The following KCNIP4 variants were observed in gnomAD, a reference collection of about 807,000 sequenced individuals.
KCNIP4 encodes potassium voltage-gated channel interacting protein 4.
In KCNIP4, 12 loss-of-function variants were observed where a neutral mutation model predicts 34.0. That is an observed-to-expected ratio of 0.35 (90% CI 0.23 to 0.57). The LOEUF is 0.57. KCNIP4 is among the 20% of genes least tolerant of loss of function. The pLI is 0.83. For synonymous variants in KCNIP4, 124 were observed against 102.2 expected (o/e 1.21, Z -1.29); for missense variants, 238 against 311.7 (o/e 0.76, Z 1.78).
chr4:21,744,989 T>C (rs565837642), intron 1 of KCNIP4, among the ~76,000 whole-genome samples: 1 of 152,218 alleles, frequency 6.6e-6, no homozygotes, highest in East Asian at 1.9e-4. Flanking sequence ...GTGAAAACAG[T>C]TTTATGTTTT....
At chr4:21,150,285 A>T in intron 1 of KCNIP4, among the ~76,000 whole-genome samples, 3 of 151,658 alleles carry the variant, frequency 2.0e-5, no homozygotes, top group African/African-American at 7.3e-5. Context: ...AGTGTTAATG[A>T]GGGTAATGCT....
intron 1 of KCNIP4, among the ~76,000 whole-genome samples, chr4:21,271,193 C>G (rs77235539): frequency 6.6e-6 from 1 of 152,032 alleles, no homozygotes; most frequent in Non-Finnish European, 1.5e-5. Context: ...TTTTAACACA[C>G]GAAATCTGAG....
intron 1 of KCNIP4, among the ~76,000 whole-genome samples, chr4:21,125,212 T>TTTTATTTTATTTTATTTTATTTTAA (rs1172436675): frequency 6.8e-6 from 1 of 147,240 alleles, no homozygotes; most frequent in African/African-American, 2.5e-5. Context: ...TTTTATTTTA[T>TTTTATTTTATTTTATTTTATTTTAA]TTTATTTTAT....
chr4:21,327,167 A>G (rs1352086838), intron 1 of KCNIP4, among the ~76,000 whole-genome samples: 1 of 151,986 alleles, frequency 6.6e-6, no homozygotes, highest in African/African-American at 2.4e-5. Flanking sequence ...ACTTCATATG[A>G]TATTTTCTCA....
At chr4:21,543,488 C>T (rs374453101) in intron 1 of KCNIP4, among the ~76,000 whole-genome samples, 59 of 152,084 alleles carry the variant, frequency 3.9e-4, no homozygotes, top group African/African-American at 1.4e-3. Flanking sequence ...ATTTGCTCTA[C>T]AATAGAGGTA....
chr4:21,104,161 C>A (rs1011643391), intron 1 of KCNIP4, among the ~76,000 whole-genome samples: 2 of 141,816 alleles, frequency 1.4e-5, no homozygotes, highest in African/African-American at 2.8e-5. Flanking sequence ...AATCGCCACA[C>A]TGTCTTCCAC....
In KCNIP4 at chr4:21,746,601, A is replaced by G. The variant is rs370605401; in HGVS notation, c.61+201970T>C. 9.9e-4 allele frequency among the ~76,000 whole-genome samples: 149 copies of G among 150,168 alleles called. 1 individual carries two copies. The highest frequency in any genetic ancestry group is 1.5e-3 in the Non-Finnish European group (102 of 67,260). Reference sequence around the variant, plus strand: ...TATAATCAAGAAAAAATAAAAAAAAAAGCACATTTAGATATGAGCATATTA... The same window carrying G: ...TATAATCAAGAAAAAATAAAAAAAAGAGCACATTTAGATATGAGCATATTA... On this transcript the variant is annotated intron_variant, in intron 1 of 8. Coordinates refer to ENST00000382152, the MANE Select transcript of KCNIP4 (RefSeq NM_025221.6).
chr4:20,787,707 A>C (rs1435948906), intron 3 of KCNIP4, among the ~76,000 whole-genome samples: 1 of 152,140 alleles, frequency 6.6e-6, no homozygotes, highest in Non-Finnish European at 1.5e-5. Context: ...TTGAACATTT[A>C]GGTCATTAGT....
intron 1 of KCNIP4, among the ~76,000 whole-genome samples, chr4:21,426,951 C>T (rs1725981742): frequency 2.0e-5 from 3 of 150,896 alleles, no homozygotes; most frequent in African/African-American, 7.3e-5. Context: ...CAGATCATTC[C>T]CATTCTCATT....
intron 1 of KCNIP4, among the ~76,000 whole-genome samples, chr4:21,731,339 T>A (rs191407451): frequency 6.6e-6 from 1 of 152,192 alleles, no homozygotes; most frequent in East Asian, 1.9e-4. Context: ...ATATAGCAGA[T>A]TTCTCTCACA....
At chr4:21,860,313 T>A (rs1302049202) in intron 1 of KCNIP4, among the ~76,000 whole-genome samples, 1 of 152,048 alleles carries the variant, frequency 6.6e-6, no homozygotes, top group African/African-American at 2.4e-5. Context: ...TTTGTATTTT[T>A]AGTAGAGACA....
At chr4:20,797,972 T>A (rs1713695582) in intron 3 of KCNIP4, among the ~76,000 whole-genome samples, 1 of 152,216 alleles carries the variant, frequency 6.6e-6, no homozygotes, top group African/African-American at 2.4e-5. Flanking sequence ...AAATCAGTGT[T>A]TTTAGCCTCT....
At chr4:21,255,324 C>T (rs1485388561) in intron 1 of KCNIP4, among the ~76,000 whole-genome samples, 5 of 152,146 alleles carry the variant, frequency 3.3e-5, no homozygotes, top group Admixed American at 2.6e-4. Flanking sequence ...GTTTAAAAGC[C>T]GTGTTGCTTC....
intron 1 of KCNIP4, among the ~76,000 whole-genome samples, chr4:21,357,032 C>A (rs1299612068): frequency 6.6e-6 from 1 of 152,134 alleles, no homozygotes; most frequent in Non-Finnish European, 1.5e-5. Context: ...AATCTATGAT[C>A]TTTGACAAAT....
intron 1 of KCNIP4, among the ~76,000 whole-genome samples, chr4:20,955,101 G>C (rs1039705648): frequency 6.6e-6 from 1 of 152,160 alleles, no homozygotes. Context: ...GAGGGTTCTC[G>C]TATTGCAGTG....
chr4:21,645,481 G>A (rs573944715), intron 1 of KCNIP4, among the ~76,000 whole-genome samples: 8 of 152,286 alleles, frequency 5.3e-5, no homozygotes, highest in African/African-American at 1.7e-4. Flanking sequence ...TAAGCAATGA[G>A]TATCTGAAAT....
intron 1 of KCNIP4, among the ~76,000 whole-genome samples, chr4:21,787,106 A>T (rs1372414317): frequency 6.6e-6 from 1 of 152,214 alleles, no homozygotes; most frequent in East Asian, 1.9e-4. Context: ...CATGAGTGGA[A>T]AATTCCACAC....
chr4:21,270,537 A>C (rs1351041911), intron 1 of KCNIP4, among the ~76,000 whole-genome samples: 1 of 152,236 alleles, frequency 6.6e-6, no homozygotes, highest in African/African-American at 2.4e-5. Flanking sequence ...TGTAGAAAAT[A>C]AGAGTTATTA....
At chr4:21,872,374 T>G (rs1725870619) in intron 1 of KCNIP4, among the ~76,000 whole-genome samples, 1 of 152,176 alleles carries the variant, frequency 6.6e-6, no homozygotes, top group South Asian at 2.1e-4. Context: ...GGTTTCTGCC[T>G]TTGTCCTTCA....
Sources: gnomAD v4.1 joint callset for allele counts (sites outside exome capture counted in the v4.1 genomes callset) on GRCh38, gnomAD v4.1.1 for gene constraint, MANE v1.5 for transcripts, NCBI Gene and HGNC (gene_info 2026-07-23, HGNC 2026-07-21) for gene names.